Variants in GREM1 observed in about 807,000 individuals in gnomAD.
GREM1 encodes the protein gremlin 1, DAN family BMP antagonist.
In GREM1, 6 loss-of-function variants were observed where a neutral mutation model predicts 13.1. The observed-to-expected ratio is 0.46, with a 90% CI of 0.25 to 0.91. GREM1 has a LOEUF of 0.91. Among genes scored for constraint, GREM1 ranks in the 40% least tolerant of loss-of-function variants. The pLI, the probability that GREM1 is intolerant of heterozygous loss-of-function variation, is 0.18. For missense variants in GREM1, 185 were observed against 233.9 expected (o/e 0.79, Z 1.36); for synonymous variants, 98 against 93.7 (o/e 1.05, Z -0.27).
chr15:32,734,730 C>G lies in GREM1; in HGVS notation c.*3485C>G, dbSNP rs2055674807. 4.8e-6 allele frequency: 1 copy of G among 208,622 alleles called. No homozygotes were observed. The highest frequency in any genetic ancestry group is 2.3e-5 in the African/African-American group (1 of 43,818). 12.9% of individuals were successfully genotyped at this position (208,622 alleles called of 1,614,324 possible). ...AGGGCAGAGGTGGAGCAGGGATGCA[C>G]TTATCATGGGAAGGGAGGTAGAAAA... On this transcript the variant is annotated 3_prime_UTR_variant, in exon 2 of 2. Transcript: ENST00000651154.
At position 32,730,766 on chromosome 15, in the gene GREM1, A is replaced by C. The variant is rs1194984931; in HGVS notation, c.76A>C (p.Lys26Gln). ...GTLLPAAEGKKKGSQGAIPPP... is the reference protein window; with the variant it reads ...GTLLPAAEGKQKGSQGAIPPP... Reference sequence around the variant, plus strand: ...CCTGCTGCCGGCTGCTGAAGGGAAAAAGAAAGGGTCCCAAGGTGCCATCCC... The same window carrying C: ...CCTGCTGCCGGCTGCTGAAGGGAAACAGAAAGGGTCCCAAGGTGCCATCCC... The change falls in exon 2 of 2, where the codon AAG becomes CAG. Residue 26 changes from lysine to glutamine, a missense_variant. Physicochemically the swap from Lys to Gln is moderately conservative, Grantham distance 53. Coordinates refer to ENST00000651154, the MANE Select transcript of GREM1 (RefSeq NM_013372.7). 1 of 1,612,418 alleles carries C rather than the reference A, an allele frequency of 6.2e-7. No individual in the cohort carries two copies. The highest frequency in any genetic ancestry group is 1.3e-5 in the African/African-American group (1 of 74,948).
chr15:32,740,499 G>A lies in GREM1; in HGVS notation c.*9254G>A, dbSNP rs2055751701. ...CAACAGGAGACAAGATTAATCAGAA[G>A]AAAGAATCAATGAACTTGAAGACAG... On this transcript the variant is annotated 3_prime_UTR_variant, in exon 2 of 2. Coordinates refer to ENST00000651154, the MANE Select transcript of GREM1 (RefSeq NM_013372.7). 1 of 151,986 alleles carries A rather than the reference G, an allele frequency of 6.6e-6. No homozygotes were observed. The highest frequency in any genetic ancestry group is 2.1e-4 in the South Asian group (1 of 4,820). 9.4% of individuals were successfully genotyped at this position (151,986 alleles called of 1,614,324 possible).
chr15:32,719,661 A>C (rs1468470958), intron 1 of GREM1, among the ~76,000 whole-genome samples: 1 of 152,174 alleles, frequency 6.6e-6, no homozygotes, highest in Non-Finnish European at 1.5e-5. Flanking sequence ...AGATGGTGCC[A>C]GGACACGAAC....
In GREM1 at chr15:32,742,313, T is replaced by C. The variant is rs1284834900; in HGVS notation, c.*11068T>C. The C allele has an allele frequency of 6.6e-6, 1 of 152,198 alleles. No individual in the cohort carries two copies. The highest frequency in any genetic ancestry group is 2.4e-5 in the African/African-American group (1 of 41,468). The allele number at this position is 152,198 out of a possible 1,614,324, so 9.4% of individuals were successfully genotyped here. A position where few individuals can be genotyped will look rare whatever the true frequency, so the allele number is the denominator to read the frequency against. ...GAAATTATTTGGTCCTGGGATTTTCTTTACTGGGAGTTTTTTGATTACTTG... is the reference window on the plus strand; with the variant it reads ...GAAATTATTTGGTCCTGGGATTTTCCTTACTGGGAGTTTTTTGATTACTTG... On this transcript the variant is annotated 3_prime_UTR_variant, in exon 2 of 2. Coordinates refer to ENST00000651154, the MANE Select transcript of GREM1 (RefSeq NM_013372.7).
intron 1 of GREM1, among the ~76,000 whole-genome samples, chr15:32,724,987 A>T (rs921879838): frequency 3.9e-5 from 6 of 152,152 alleles, no homozygotes; most frequent in Admixed American, 2.0e-4. Context: ...TTATGGCTGC[A>T]TAGTATTCCA....
In GREM1 at chr15:32,739,051, A is replaced by C. The variant is rs1429519473; in HGVS notation, c.*7806A>C. ...TATTCAATATTGTTCTGGAGGTTCT[A>C]GCTAGGGCAATTAGGCAAAAAAAGG... On this transcript the variant is annotated 3_prime_UTR_variant, in exon 2 of 2. Coordinates refer to ENST00000651154, the MANE Select transcript of GREM1 (RefSeq NM_013372.7). 6.6e-6 allele frequency: 1 copy of C among 152,244 alleles called. No homozygotes were observed. The highest frequency in any genetic ancestry group is 1.5e-5 in the Non-Finnish European group (1 of 68,034). The allele number at this position is 152,244 out of a possible 1,614,324, so 9.4% of individuals were successfully genotyped here.
rs1012984863 is a variant in GREM1 at position 32,740,959 on chromosome 15, A to G, written c.*9714A>G. 1 of 152,326 alleles carries G rather than the reference A, an allele frequency of 6.6e-6. No homozygotes were observed. Among genetic ancestry groups the G allele is most frequent in the Admixed American group, 6.5e-5 (1 of 15,290 alleles). The allele number at this position is 152,326 out of a possible 1,614,324, so 9.4% of individuals were successfully genotyped here. A position where few individuals can be genotyped will look rare whatever the true frequency, so the allele number is the denominator to read the frequency against. On this transcript the variant is annotated 3_prime_UTR_variant, in exon 2 of 2. Coordinates refer to ENST00000651154, the MANE Select transcript of GREM1 (RefSeq NM_013372.7). Reference sequence around the variant, plus strand: ...GTGGTCTCATGTTACCCCTGTGCCTAGAAAGGAAACAGGAGATGAAAAGCA... The same window carrying G: ...GTGGTCTCATGTTACCCCTGTGCCTGGAAAGGAAACAGGAGATGAAAAGCA...
intron 1 of GREM1, among the ~76,000 whole-genome samples, chr15:32,728,376 G>C (rs1415861619): frequency 6.6e-6 from 1 of 152,200 alleles, no homozygotes; most frequent in African/African-American, 2.4e-5. Flanking sequence ...AACATACACT[G>C]ACCAAAGGTG....
rs67118209 is a variant in GREM1, at chr15:32,738,083, C to CAAAAAAAAAAAAAAAAA, written c.*6872_*6888dup. 5.3e-5 allele frequency: 1 copy of CAAAAAAAAAAAAAAAAA among 18,930 alleles called. No individual in the cohort carries two copies. Among genetic ancestry groups the CAAAAAAAAAAAAAAAAA allele is most frequent in the Non-Finnish European group, 8.6e-5 (1 of 11,650 alleles). The allele number at this position is 18,930 out of a possible 1,614,324, so 1.2% of individuals were successfully genotyped here. A position where few individuals can be genotyped will look rare whatever the true frequency, so the allele number is the denominator to read the frequency against. On this transcript the variant is annotated 3_prime_UTR_variant, in exon 2 of 2. Transcript: ENST00000651154. The stretch of plus-strand genomic sequence containing the variant: ...GGAGGTTCTACCTAGGGTAATTAGG[C>CAAAAAAAAAAAAAAAAA]AAAAAAAAAAAAAAAAAAAAAAAAA...
chr15:32,731,084 C>G lies in GREM1; in HGVS notation c.394C>G (p.Arg132Gly), dbSNP rs777740546. The change falls in exon 2 of 2, where the codon CGG becomes GGG. Residue 132 changes from arginine (R) to glycine (G), a missense_variant. Coordinates refer to ENST00000651154, the MANE Select transcript of GREM1 (RefSeq NM_013372.7). ...CTCTTTCTACATCCCCAGGCACATC[C>G]GGAAGGAGGAAGGTTCCTTTCAGTC... ...CNSFYIPRHI[R>G]KEEGSFQSCS... The G allele has an allele frequency of 6.2e-7, 1 of 1,614,198 alleles. No individual in the cohort carries two copies. Among genetic ancestry groups the G allele is most frequent in the Non-Finnish European group, 8.5e-7 (1 of 1,180,034 alleles).
chr15:32,722,793 A>C (rs1049388932), intron 1 of GREM1, among the ~76,000 whole-genome samples: 5 of 152,192 alleles, frequency 3.3e-5, no homozygotes, highest in African/African-American at 1.2e-4. Flanking sequence ...AGAGAAAAAA[A>C]GGTGGAGATG....
chr15:32,742,517 A>G lies in GREM1; in HGVS notation c.*11272A>G, dbSNP rs968787613. ...CAGTGGCATTTTTATTTACAGAAAT[A>G]GAATAATTCTAAAATTCATCTGAAG... is the stretch of plus-strand genomic sequence containing the variant. On this transcript the variant is annotated 3_prime_UTR_variant, in exon 2 of 2. Coordinates refer to ENST00000651154, the MANE Select transcript of GREM1 (RefSeq NM_013372.7). The G allele has an allele frequency of 1.3e-5, 2 of 152,240 alleles. No homozygotes were observed. The highest frequency in any genetic ancestry group is 2.4e-5 in the African/African-American group (1 of 41,464). The allele number at this position is 152,240 out of a possible 1,614,324, so 9.4% of individuals were successfully genotyped here. A position where few individuals can be genotyped will look rare whatever the true frequency, so the allele number is the denominator to read the frequency against.
chr15:32,720,329 C>T lies in GREM1; in HGVS notation c.-2+2168C>T, dbSNP rs1281662605. Among the ~76,000 whole-genome samples the T allele has an allele frequency of 2.0e-5, 3 of 152,158 alleles. No individual in the cohort carries two copies. In the East Asian group the frequency reaches 5.8e-4, roughly 29 times the overall value. ...TCTGAATGAGGGCTGCCTACCCTGT[C>T]TTTGAAACTAAGCCGAAGATGCCTT... On this transcript the variant is annotated intron_variant, in intron 1 of 1. Transcript: ENST00000651154.
Position 32,738,082 on chromosome 15 carries a change from GCA to G in GREM1, c.*6838_*6839del, listed in dbSNP as rs2055719576. 2 of 15,778 alleles carry G rather than the reference GCA, an allele frequency of 1.3e-4. No individual in the cohort carries two copies. Among genetic ancestry groups the G allele is most frequent in the African/African-American group, 4.1e-4 (2 of 4,870 alleles). 1.0% of individuals were successfully genotyped at this position (15,778 alleles called of 1,614,324 possible). Reference sequence around the variant, plus strand: ...TGGAGGTTCTACCTAGGGTAATTAGGCAAAAAAAAAAAAAAAAAAAAAAAAAA... The same window carrying G: ...TGGAGGTTCTACCTAGGGTAATTAGGAAAAAAAAAAAAAAAAAAAAAAAAA... On this transcript the variant is annotated 3_prime_UTR_variant, in exon 2 of 2. Coordinates refer to ENST00000651154, the MANE Select transcript of GREM1 (RefSeq NM_013372.7).
At chr15:32,727,019 G>A (rs1013832065) in intron 1 of GREM1, among the ~76,000 whole-genome samples, 10 of 152,100 alleles carry the variant, frequency 6.6e-5, no homozygotes, top group Non-Finnish European at 1.5e-4. Flanking sequence ...GTAATTAGTA[G>A]CCTACCAACC....
At chr15:32,720,851 G>T (rs1195749915) in intron 1 of GREM1, among the ~76,000 whole-genome samples, 1 of 152,206 alleles carries the variant, frequency 6.6e-6, no homozygotes, top group East Asian at 1.9e-4. Context: ...GGGCTAGATA[G>T]AATTGGGTTT....
Position 32,738,106 on chromosome 15 carries a change from A to ACAACAAC in GREM1, c.*6861_*6862insCAACAAC, listed in dbSNP as rs2055723391. ...GGCAAAAAAAAAAAAAAAAAAAAAA[A>ACAACAAC]AAAAAAAAAAAAAAAAAAAAAAAAA... On this transcript the variant is annotated 3_prime_UTR_variant, in exon 2 of 2. Transcript: ENST00000651154. 2.0e-5 allele frequency: 2 copies of ACAACAAC among 101,252 alleles called. No individual in the cohort carries two copies. Among genetic ancestry groups the ACAACAAC allele is most frequent in the African/African-American group, 4.0e-5 (1 of 25,092 alleles). The allele number at this position is 101,252 out of a possible 1,614,324, so 6.3% of individuals were successfully genotyped here.
chr15:32,724,642 TTTTC>T (rs2055466101), intron 1 of GREM1, among the ~76,000 whole-genome samples: 1 of 152,094 alleles, frequency 6.6e-6, no homozygotes, highest in African/African-American at 2.4e-5. Context: ...TTTTTTTTCT[TTTTC>T]TTTTTATAAT....
In GREM1 at chr15:32,744,746, C is replaced by A. The variant is rs954172292; in HGVS notation, c.*13501C>A. The A allele has an allele frequency of 6.6e-6, 1 of 151,950 alleles. No individual in the cohort carries two copies. The highest frequency in any genetic ancestry group is 1.5e-5 in the Non-Finnish European group (1 of 67,982). The allele number at this position is 151,950 out of a possible 1,614,324, so 9.4% of individuals were successfully genotyped here. A position where few individuals can be genotyped will look rare whatever the true frequency, so the allele number is the denominator to read the frequency against. On this transcript the variant is annotated 3_prime_UTR_variant, in exon 2 of 2. Transcript: ENST00000651154. ...GCATCTGTACAATCAAGCACCCAAA[C>A]TGGTTCTGTAGAGGCAGGACCTTAG...
Sources: gnomAD v4.1 joint callset for allele counts (sites outside exome capture counted in the v4.1 genomes callset) on GRCh38, gnomAD v4.1.1 for gene constraint, MANE v1.5 for transcripts, NCBI Gene and HGNC (gene_info 2026-07-23, HGNC 2026-07-21) for gene names.